The following BMPR1B variants were observed in gnomAD, a reference collection of about 807,000 sequenced individuals.
BMPR1B encodes bone morphogenetic protein receptor type 1B.
A neutral mutation model predicts 59.1 loss-of-function variants in BMPR1B; 12 were observed. The ratio of observed to expected loss-of-function variants is 0.20; its 90% CI spans 0.13 to 0.33. BMPR1B has a LOEUF of 0.33. Ranked by LOEUF, BMPR1B falls within the 10% of genes least tolerant of loss-of-function variation. BMPR1B has a pLI of 1.00. For missense variants in BMPR1B, 550 were observed against 610.9 expected (o/e 0.90, Z 1.05); for synonymous variants, 237 against 207.3 (o/e 1.14, Z -1.23).
At chr4:94,948,726 A>G (rs537450458) in intron 2 of BMPR1B, among the ~76,000 whole-genome samples, 1 of 152,268 alleles carries the variant, frequency 6.6e-6, no homozygotes, top group South Asian at 2.1e-4. Flanking sequence ...TTTTAATTCC[A>G]GAATCTGGGT....
At chr4:95,072,612 T>C (rs1728393445) in intron 3 of BMPR1B, among the ~76,000 whole-genome samples, 1 of 152,190 alleles carries the variant, frequency 6.6e-6, no homozygotes, top group South Asian at 2.1e-4. Context: ...TTCATGTATA[T>C]TGAAACTAAC....
chr4:94,835,315 G>C (rs1208904436), intron 1 of BMPR1B, among the ~76,000 whole-genome samples: 1 of 152,094 alleles, frequency 6.6e-6, no homozygotes. Context: ...GATTACAAAC[G>C]TGTACCACCA....
intron 1 of BMPR1B, among the ~76,000 whole-genome samples, chr4:94,832,489 G>T (rs1452192691): frequency 2.6e-5 from 4 of 152,124 alleles, no homozygotes; most frequent in African/African-American, 9.7e-5. Context: ...CATGTAGAAA[G>T]GTAGTGTAGC....
chr4:94,828,900 A>G (rs1322577802), intron 1 of BMPR1B, among the ~76,000 whole-genome samples: 3 of 152,002 alleles, frequency 2.0e-5, no homozygotes, highest in Admixed American at 2.0e-4. Context: ...AAAAATATGT[A>G]TGCTTTTAAA....
At position 95,125,026 on chromosome 4, in the gene BMPR1B, G is replaced by A. The variant is rs754565613; in HGVS notation, c.490G>A (p.Glu164Lys). The A allele has an allele frequency of 2.5e-6, 4 of 1,613,642 alleles. No homozygotes were observed. Among genetic ancestry groups the A allele is most frequent in the Non-Finnish European group, 2.5e-6 (3 of 1,179,594 alleles). Reference protein sequence around the residue: ...ETRPRYSIGLEQDETYIPPGE... With the variant: ...ETRPRYSIGLKQDETYIPPGE... Reference sequence around the variant, plus strand: ...CAGACCTCGATACAGCATTGGGTTAGAACAGGATGAAACTTACATTCCTCC... The same window carrying A: ...CAGACCTCGATACAGCATTGGGTTAAAACAGGATGAAACTTACATTCCTCC... Residue 164 changes from glutamate to lysine, a missense_variant, in exon 8 of 13, where the codon GAA becomes AAA. Around this residue, in one of 6 missense-constraint regions of BMPR1B, gnomAD observed 318 missense variants for 284.6 expected, o/e 1.12. Coordinates refer to ENST00000515059, the MANE Select transcript of BMPR1B (RefSeq NM_001203.3).
intron 1 of BMPR1B, among the ~76,000 whole-genome samples, chr4:94,872,989 C>T (rs1049122353): frequency 1.3e-5 from 2 of 152,156 alleles, no homozygotes; most frequent in Non-Finnish European, 2.9e-5. Context: ...ACTGATTCAG[C>T]TGCCTGTAGG....
At chr4:94,953,758 A>G (rs146630321) in intron 2 of BMPR1B, among the ~76,000 whole-genome samples, 6 of 151,986 alleles carry the variant, frequency 3.9e-5, no homozygotes, top group East Asian at 1.9e-4. Context: ...CTCGAGGAGT[A>G]TCTCTGTGGT....
chr4:95,110,337 G>GA (rs1215883585), intron 4 of BMPR1B, among the ~76,000 whole-genome samples: 1 of 151,904 alleles, frequency 6.6e-6, no homozygotes, highest in Non-Finnish European at 1.5e-5. Context: ...GTACCTCATA[G>GA]AAAAAATAAA....
intron 2 of BMPR1B, among the ~76,000 whole-genome samples, chr4:94,968,091 CT>C (rs1190646128): frequency 1.3e-5 from 2 of 152,116 alleles, no homozygotes; most frequent in African/African-American, 4.8e-5. Context: ...GGGACTTTTT[CT>C]TTCTTTTTCT....
chr4:94,978,021 T>G (rs955200144), intron 2 of BMPR1B, among the ~76,000 whole-genome samples: 1 of 152,216 alleles, frequency 6.6e-6, no homozygotes, highest in Non-Finnish European at 1.5e-5. Flanking sequence ...TCCAATAACT[T>G]AATCCTCATT....
intron 2 of BMPR1B, among the ~76,000 whole-genome samples, chr4:94,991,793 G>A (rs1184829368): frequency 2.6e-5 from 4 of 152,174 alleles, no homozygotes; most frequent in African/African-American, 9.7e-5. Flanking sequence ...ACAGGGCTTT[G>A]ATTAGAAGAT....
chr4:95,078,273 G>T (rs905287747), intron 3 of BMPR1B, among the ~76,000 whole-genome samples: 7 of 152,164 alleles, frequency 4.6e-5, no homozygotes, highest in African/African-American at 1.7e-4. Context: ...TCTTGTGTGT[G>T]CATATTTTTA....
chr4:94,772,092 A>G (rs971523728), intron 1 of BMPR1B, among the ~76,000 whole-genome samples: 14 of 152,228 alleles, frequency 9.2e-5, no homozygotes, highest in Admixed American at 5.9e-4. Flanking sequence ...CATCTGTAAT[A>G]GAGATATTAC....
At position 95,139,321 on chromosome 4, in the gene BMPR1B, C is replaced by T. The variant is rs185724434; in HGVS notation, c.1076+7809C>T. The stretch of plus-strand genomic sequence containing the variant: ...CTGGCTGTATGAGGTGTCAGTCGGC[C>T]CCTACTGGGAGGTGCCTCCCAGTTA... On this transcript the variant is annotated intron_variant, in intron 10 of 12. Transcript: ENST00000515059. Among the ~76,000 whole-genome samples the T allele has an allele frequency of 4.4e-3, 671 of 152,248 alleles. 3 individuals are homozygous for T. The highest frequency in any genetic ancestry group is 6.1e-3 in the Non-Finnish European group (413 of 68,030).
At chr4:95,000,214 A>C (rs921461967) in intron 3 of BMPR1B, among the ~76,000 whole-genome samples, 1 of 145,624 alleles carries the variant, frequency 6.9e-6, no homozygotes, top group African/African-American at 2.6e-5. Flanking sequence ...CAGACATTGA[A>C]TATGACTCTT....
chr4:95,058,880 A>G (rs1727128978), intron 3 of BMPR1B, among the ~76,000 whole-genome samples: 1 of 152,168 alleles, frequency 6.6e-6, no homozygotes, highest in South Asian at 2.1e-4. Context: ...TATAATTTTA[A>G]TGATTATGCA....
intron 1 of BMPR1B, among the ~76,000 whole-genome samples, chr4:94,777,231 A>G (rs1165206456): frequency 6.6e-6 from 1 of 152,114 alleles, no homozygotes; most frequent in Non-Finnish European, 1.5e-5. Context: ...ATTTTAAGAG[A>G]AGTGTGTTAA....
At chr4:94,766,321 C>T (rs550744453) in intron 1 of BMPR1B, among the ~76,000 whole-genome samples, 64 of 151,590 alleles carry the variant, frequency 4.2e-4, no homozygotes, top group African/African-American at 1.4e-3. Context: ...AGTTTATTAT[C>T]TCCTGAAATG....
chr4:95,110,621 T>G (rs1426514693), intron 4 of BMPR1B, among the ~76,000 whole-genome samples: 1 of 152,158 alleles, frequency 6.6e-6, no homozygotes, highest in Non-Finnish European at 1.5e-5. Context: ...CTTTAATAAT[T>G]ACCACACTCA....
Sources: allele counts gnomAD v4.1 joint callset (sites outside exome capture counted in the v4.1 genomes callset), GRCh38; gene constraint gnomAD v4.1.1; regional missense constraint gnomAD v4.1.1; transcripts MANE v1.5; gene names NCBI Gene and HGNC (gene_info 2026-07-23, HGNC 2026-07-21).